Variants in CAST observed in about 807,000 individuals in gnomAD.
CAST encodes calpastatin, also known as MIR583 host.
Under a neutral mutation model 119.6 loss-of-function variants are expected in CAST, and 76 were observed. That is an observed-to-expected ratio of 0.64 (90% CI 0.53 to 0.77). The LOEUF (loss-of-function observed/expected upper bound fraction) is 0.77, where lower values mean the gene tolerates loss of function less well. Ranked by LOEUF, CAST falls within the 30% of genes least tolerant of loss-of-function variation. The pLI, the probability that CAST is intolerant of heterozygous loss-of-function variation, is 0.00. For synonymous variants in CAST, 319 were observed against 331.6 expected (o/e 0.96, Z 0.41); for missense variants, 953 against 946.5 (o/e 1.01, Z -0.09).
At chr5:96,239,999 T>G in the CAST span, among the ~76,000 whole-genome samples, 1 of 152,188 alleles carries the variant, frequency 6.6e-6, no homozygotes, top group Non-Finnish European at 1.5e-5. Context: ...AGTATATGTT[T>G]TTATAATTTT....
chr5:96,301,584 G>A, the CAST span, among the ~76,000 whole-genome samples: 2 of 152,206 alleles, frequency 1.3e-5, no homozygotes, highest in Non-Finnish European at 2.9e-5. Context: ...TGGGGGTACA[G>A]GCATTGGGTA....
chr5:96,350,454 G>A, the CAST span, among the ~76,000 whole-genome samples: 1 of 152,124 alleles, frequency 6.6e-6, no homozygotes, highest in East Asian at 1.9e-4. Flanking sequence ...TCCCCCACCT[G>A]TGAAGATAAG....
chr5:96,123,554 T>A, the CAST span, among the ~76,000 whole-genome samples: 431 of 152,272 alleles, frequency 2.8e-3, 1 homozygote, highest in African/African-American at 8.4e-3. Flanking sequence ...AAATTGAAGG[T>A]TGGCCTGATG....
At chr5:96,672,706 C>CAAAAAAAAAAAAAAAAAA (rs11427288) in intron 1 of CAST, among the ~76,000 whole-genome samples, 1 of 59,172 alleles carries the variant, frequency 1.7e-5, no homozygotes, top group African/African-American at 6.2e-5. Flanking sequence ...GACTCAGTCT[C>CAAAAAAAAAAAAAAAAAA]AAAAAAAAAA....
the CAST span, among the ~76,000 whole-genome samples, chr5:96,140,200 G>A: frequency 6.6e-6 from 1 of 152,148 alleles, no homozygotes; most frequent in East Asian, 1.9e-4. Flanking sequence ...ATATGCTCTT[G>A]GAACTTCTGA....
At chr5:96,091,189 T>C in the CAST span, among the ~76,000 whole-genome samples, 1 of 151,832 alleles carries the variant, frequency 6.6e-6, no homozygotes, top group Non-Finnish European at 1.5e-5. Context: ...ATCTCAGGCA[T>C]GTTACTGAAT....
the CAST span, among the ~76,000 whole-genome samples, chr5:96,285,585 C>A: frequency 6.6e-6 from 1 of 152,182 alleles, no homozygotes; most frequent in African/African-American, 2.4e-5. Context: ...AGGACACATT[C>A]CCCTTGAAAA....
the CAST span, among the ~76,000 whole-genome samples, chr5:96,075,720 C>T: frequency 6.6e-6 from 1 of 152,152 alleles, no homozygotes; most frequent in Non-Finnish European, 1.5e-5. Context: ...AGAGGTAATG[C>T]TTTCTGGAAG....
the CAST span, among the ~76,000 whole-genome samples, chr5:96,313,752 T>C: frequency 6.6e-6 from 1 of 152,170 alleles, no homozygotes; most frequent in Non-Finnish European, 1.5e-5. Context: ...TTCAAGTTGG[T>C]TTGCATTCTC....
intron 2 of CAST, among the ~76,000 whole-genome samples, chr5:96,684,378 T>G (rs1337148330): frequency 6.6e-6 from 1 of 152,196 alleles, no homozygotes; most frequent in Admixed American, 6.5e-5. Context: ...CGTATTGATG[T>G]CTACCTATGG....
chr5:96,727,004 C>G lies in CAST; in HGVS notation c.336+145C>G, dbSNP rs908529329. 4 of 619,420 alleles carry G rather than the reference C, an allele frequency of 6.5e-6. No individual in the cohort carries two copies. In the African/African-American group the frequency reaches 7.4e-5, roughly 11 times the overall value. The allele number at this position is 619,420 out of a possible 1,614,324, so 38.4% of individuals were successfully genotyped here. Reference sequence around the variant, plus strand: ...TTCTGTAGGCTTAGCTGCCCATCAGCCACATTCTGGCACTAAAAGTAATTT... The same window carrying G: ...TTCTGTAGGCTTAGCTGCCCATCAGGCACATTCTGGCACTAAAAGTAATTT... On this transcript the variant is annotated intron_variant, in intron 5 of 31. Transcript: ENST00000675179.
intron 1 of CAST, among the ~76,000 whole-genome samples, chr5:96,570,665 T>C (rs1746552139): frequency 6.6e-6 from 1 of 152,192 alleles, no homozygotes; most frequent in African/African-American, 2.4e-5. Flanking sequence ...AGCGAGTTTC[T>C]CCCTTGTAGC....
the CAST span, among the ~76,000 whole-genome samples, chr5:96,274,066 A>T: frequency 9.1e-4 from 138 of 151,928 alleles, 1 homozygote; most frequent in Admixed American, 1.8e-3. Context: ...GATGGAAGGG[A>T]TGGTGTGAGA....
upstream of CAST, among the ~76,000 whole-genome samples, chr5:96,658,958 A>C (rs1748202878): frequency 6.6e-6 from 1 of 152,218 alleles, no homozygotes; most frequent in South Asian, 2.1e-4. Context: ...ATCTACCTGG[A>C]TGTTTCTTTG....
the CAST span, among the ~76,000 whole-genome samples, chr5:96,389,890 ATGCCAT>A: frequency 6.6e-6 from 1 of 152,100 alleles, no homozygotes; most frequent in Non-Finnish European, 1.5e-5. Flanking sequence ...AGCCATGATC[ATGCCAT>A]TGCACTGTAG....
chr5:96,636,712 A>C (rs747490049), intron 1 of CAST, among the ~76,000 whole-genome samples: 23 of 152,208 alleles, frequency 1.5e-4, no homozygotes, highest in Non-Finnish European at 3.1e-4. Flanking sequence ...AATCGCTTTC[A>C]AATGTACATT....
the CAST span, among the ~76,000 whole-genome samples, chr5:96,357,743 T>C: frequency 6.6e-6 from 1 of 152,226 alleles, no homozygotes; most frequent in African/African-American, 2.4e-5. Context: ...CAGTATTTTA[T>C]TGAAATTTTC....
At chr5:96,621,967 C>CTT (rs1174696218) in intron 1 of CAST, among the ~76,000 whole-genome samples, 1 of 107,836 alleles carries the variant, frequency 9.3e-6, no homozygotes. Context: ...TTCTTTTTTT[C>CTT]TCTTTTTTTT....
chr5:96,759,583 C>A (rs1326973039), intron 24 of CAST, among the ~76,000 whole-genome samples: 1 of 151,808 alleles, frequency 6.6e-6, no homozygotes, highest in Non-Finnish European at 1.5e-5. Context: ...CCACCAAAAA[C>A]AAAGTAGCAA....
Sources: allele counts gnomAD v4.1 joint callset (sites outside exome capture counted in the v4.1 genomes callset), GRCh38; gene constraint gnomAD v4.1.1; transcripts MANE v1.5; gene names NCBI Gene and HGNC (gene_info 2026-07-23, HGNC 2026-07-21).